TMEM178B: variants seen among roughly 807,000 people sequenced by gnomAD.
The protein encoded by TMEM178B is transmembrane protein 178B.
TMEM178B carries 5 observed loss-of-function variants against 31.0 expected under a neutral mutation model. The ratio of observed to expected loss-of-function variants is 0.16; its 90% CI spans 0.08 to 0.34. The LOEUF (loss-of-function observed/expected upper bound fraction) is 0.34. Among genes scored for constraint, TMEM178B ranks in the 10% least tolerant of loss-of-function variants. TMEM178B has a pLI of 1.00. For missense variants in TMEM178B, 275 were observed against 400.3 expected, an observed-to-expected ratio of 0.69 and a Z score of 2.67; for synonymous variants, 164 against 164.0, an observed-to-expected ratio of 1.00 and a Z score of 0.00.
chr7:141,408,002 G>C (rs896342091), intron 2 of TMEM178B, among the ~76,000 whole-genome samples: 1 of 152,160 alleles, frequency 6.6e-6, no homozygotes, highest in East Asian at 1.9e-4. Flanking sequence ...TCCAGAAAAG[G>C]AATGGAGGAC....
intron 1 of TMEM178B, among the ~76,000 whole-genome samples, chr7:141,170,173 T>A (rs1292147341): frequency 6.6e-6 from 1 of 152,212 alleles, no homozygotes; most frequent in Non-Finnish European, 1.5e-5. Context: ...GATTACTGGG[T>A]CAAAGACTGG....
intron 1 of TMEM178B, among the ~76,000 whole-genome samples, chr7:141,117,869 A>T (rs1288145139): frequency 6.6e-6 from 1 of 152,024 alleles, no homozygotes; most frequent in East Asian, 1.9e-4. Flanking sequence ...ATGGGTCTGT[A>T]TGTCTGTTTT....
intron 2 of TMEM178B, among the ~76,000 whole-genome samples, chr7:141,254,501 T>C (rs572635796): frequency 1.2e-4 from 18 of 152,268 alleles, no homozygotes; most frequent in African/African-American, 4.3e-4. Flanking sequence ...GTGGATCACC[T>C]GAGGTCAGGA....
At chr7:141,426,739 A>T (rs1801323935) in intron 2 of TMEM178B, among the ~76,000 whole-genome samples, 1 of 152,156 alleles carries the variant, frequency 6.6e-6, no homozygotes, top group Non-Finnish European at 1.5e-5. Flanking sequence ...TCTTATTTTG[A>T]CATAAGAATA....
At chr7:141,447,591 T>C (rs1202761670) in intron 3 of TMEM178B, among the ~76,000 whole-genome samples, 2 of 152,158 alleles carry the variant, frequency 1.3e-5, no homozygotes, top group African/African-American at 4.8e-5. Context: ...TGCCCTGGGC[T>C]TCTTTCCTGG....
intron 1 of TMEM178B, among the ~76,000 whole-genome samples, chr7:141,187,974 T>C (rs539515049): frequency 1.8e-4 from 28 of 152,300 alleles, no homozygotes; most frequent in African/African-American, 6.7e-4. Context: ...ATTTTGTCTT[T>C]TGTTGCCATT....
At chr7:141,112,980 G>C (rs1386041844) in intron 1 of TMEM178B, among the ~76,000 whole-genome samples, 1 of 152,172 alleles carries the variant, frequency 6.6e-6, no homozygotes, top group Non-Finnish European at 1.5e-5. Context: ...TTTAACCAGA[G>C]GCAGACCACT....
intron 3 of TMEM178B, among the ~76,000 whole-genome samples, chr7:141,452,039 T>C (rs1044665062): frequency 6.6e-6 from 1 of 152,218 alleles, no homozygotes; most frequent in African/African-American, 2.4e-5. Context: ...TGTTCCTTTT[T>C]CCTTTTCTGT....
intron 2 of TMEM178B, among the ~76,000 whole-genome samples, chr7:141,240,761 G>T (rs946021020): frequency 2.6e-5 from 4 of 152,210 alleles, no homozygotes; most frequent in Admixed American, 1.3e-4. Flanking sequence ...GAAGCCAATT[G>T]CTTTCTCATC....
At chr7:141,154,204 A>T (rs961258041) in intron 1 of TMEM178B, among the ~76,000 whole-genome samples, 9 of 152,244 alleles carry the variant, frequency 5.9e-5, no homozygotes, top group Admixed American at 1.3e-4. Flanking sequence ...AAAGAGGAAA[A>T]TTCTTTAGAC....
At chr7:141,510,758 A>ACTC in the TMEM178B span, among the ~76,000 whole-genome samples, 1 of 148,540 alleles carries the variant, frequency 6.7e-6, no homozygotes, top group Non-Finnish European at 1.5e-5. Flanking sequence ...GATCCAGGCA[A>ACTC]CTCAGGCAAC....
At chr7:141,127,544 G>GC (rs1795519504) in intron 1 of TMEM178B, among the ~76,000 whole-genome samples, 2 of 152,178 alleles carry the variant, frequency 1.3e-5, no homozygotes, top group South Asian at 4.1e-4. Flanking sequence ...GGATGTTGGA[G>GC]CACCAAAGAT....
At chr7:141,380,776 A>G (rs1289885093) in intron 2 of TMEM178B, among the ~76,000 whole-genome samples, 1 of 152,208 alleles carries the variant, frequency 6.6e-6, no homozygotes, top group Non-Finnish European at 1.5e-5. Flanking sequence ...ATTCTCAGCT[A>G]TAGTAGTAGA....
intron 2 of TMEM178B, among the ~76,000 whole-genome samples, chr7:141,223,080 G>A (rs533077157): frequency 8.5e-5 from 13 of 152,220 alleles, no homozygotes; most frequent in South Asian, 6.2e-4. Flanking sequence ...CAAAAGACTC[G>A]CCTGTCTAGC....
intron 2 of TMEM178B, among the ~76,000 whole-genome samples, chr7:141,367,475 C>G (rs577803598): frequency 7.9e-4 from 120 of 152,026 alleles, no homozygotes; most frequent in Non-Finnish European, 2.1e-4. Context: ...GGGTTTCGCC[C>G]TGTTAGCCAG....
At chr7:141,100,115 G>A (rs896494930) in intron 1 of TMEM178B, among the ~76,000 whole-genome samples, 4 of 152,076 alleles carry the variant, frequency 2.6e-5, no homozygotes, top group African/African-American at 7.2e-5. Context: ...CACTGCGCCC[G>A]ACCAAAATGG....
intron 1 of TMEM178B, among the ~76,000 whole-genome samples, chr7:141,097,698 T>A (rs1794986503): frequency 6.6e-6 from 1 of 152,086 alleles, no homozygotes; most frequent in Admixed American, 6.5e-5. Context: ...CTTTGATGTG[T>A]ACAGTACTTC....
At chr7:141,404,671 T>A (rs1298025936) in intron 2 of TMEM178B, among the ~76,000 whole-genome samples, 3 of 152,218 alleles carry the variant, frequency 2.0e-5, no homozygotes, top group Non-Finnish European at 4.4e-5. Flanking sequence ...ATTAATTACA[T>A]CTGCTAAGAC....
At chr7:141,119,620 A>G (rs1361921294) in intron 1 of TMEM178B, among the ~76,000 whole-genome samples, 1 of 152,132 alleles carries the variant, frequency 6.6e-6, no homozygotes, top group East Asian at 1.9e-4. Flanking sequence ...TTTTGCAGGT[A>G]TATTTGTTAA....
Sources: gnomAD v4.1 joint callset for allele counts (sites outside exome capture counted in the v4.1 genomes callset) on GRCh38, gnomAD v4.1.1 for gene constraint, MANE v1.5 for transcripts, NCBI Gene and HGNC (gene_info 2026-07-23, HGNC 2026-07-21) for gene names.